The following ATP9B variants were observed in gnomAD, a reference collection of about 807,000 sequenced individuals.
The protein encoded by ATP9B is ATPase phospholipid transporting 9B.
A neutral mutation model predicts 146.1 loss-of-function variants in ATP9B; 110 were observed. That is an observed-to-expected ratio of 0.75 (90% CI 0.65 to 0.88). The LOEUF is 0.88. ATP9B is among the 40% of genes least tolerant of loss of function. ATP9B has a pLI of 0.00. For missense variants in ATP9B, 1,499 were observed against 1,496.4 expected (o/e 1.00, Z -0.03); for synonymous variants, 604 against 569.7 (o/e 1.06, Z -0.86).
chr18:79,262,529 G>A (rs1307098387), intron 12 of ATP9B, among the ~76,000 whole-genome samples: 1 of 152,130 alleles, frequency 6.6e-6, no homozygotes, highest in Non-Finnish European at 1.5e-5. Flanking sequence ...CCTTTTTCTG[G>A]TTCACTTATT....
At chr18:79,219,351 G>T (rs1249917319) in intron 11 of ATP9B, among the ~76,000 whole-genome samples, 1 of 152,080 alleles carries the variant, frequency 6.6e-6, no homozygotes, top group Non-Finnish European at 1.5e-5. Flanking sequence ...CTGATGAGAA[G>T]TGGACTGATT....
At chr18:79,339,902 C>A (rs551688341) in intron 19 of ATP9B, among the ~76,000 whole-genome samples, 5 of 152,296 alleles carry the variant, frequency 3.3e-5, no homozygotes, top group Middle Eastern at 3.4e-3. Context: ...GAGAACAATT[C>A]TGACTCAGAA....
chr18:79,076,518 A>G (rs186064462), intron 1 of ATP9B, among the ~76,000 whole-genome samples: 1 of 152,256 alleles, frequency 6.6e-6, no homozygotes, highest in Non-Finnish European at 1.5e-5. Flanking sequence ...GAAATCTGAT[A>G]TCATTTGAGT....
chr18:79,190,347 A>G (rs1410067401), intron 8 of ATP9B, among the ~76,000 whole-genome samples: 2 of 152,310 alleles, frequency 1.3e-5, no homozygotes, highest in South Asian at 2.1e-4. Flanking sequence ...AGGTTTTTCA[A>G]ATTATCAACA....
chr18:79,150,714 G>T (rs1461575724), intron 6 of ATP9B, among the ~76,000 whole-genome samples: 3 of 152,156 alleles, frequency 2.0e-5, no homozygotes, highest in Admixed American at 1.3e-4. Flanking sequence ...TAAAGGCCGG[G>T]CATGATGATT....
intron 12 of ATP9B, among the ~76,000 whole-genome samples, chr18:79,273,528 A>C (rs747807603): frequency 6.6e-6 from 1 of 152,256 alleles, no homozygotes; most frequent in African/African-American, 2.4e-5. Context: ...TGCTCAGATT[A>C]GAATCCAAAA....
chr18:79,268,944 C>G (rs2145505968), intron 12 of ATP9B, among the ~76,000 whole-genome samples: 1 of 152,286 alleles, frequency 6.6e-6, no homozygotes. Flanking sequence ...TAAGACTTCA[C>G]TTCTTTGGGT....
At chr18:79,328,218 G>C (rs1368639286) in intron 15 of ATP9B, among the ~76,000 whole-genome samples, 3 of 152,146 alleles carry the variant, frequency 2.0e-5, no homozygotes, top group Admixed American at 2.0e-4. Flanking sequence ...TGTTCCCCAT[G>C]GTTAGTGTGC....
intron 17 of ATP9B, among the ~76,000 whole-genome samples, chr18:79,335,218 C>T (rs2096817115): frequency 6.6e-6 from 1 of 152,152 alleles, no homozygotes; most frequent in South Asian, 2.1e-4. Context: ...TAAAACCTGA[C>T]CCTCGTTCAT....
intron 5 of ATP9B, among the ~76,000 whole-genome samples, chr18:79,128,418 ATATTCTT>A (rs2094324459): frequency 6.6e-6 from 1 of 152,208 alleles, no homozygotes; most frequent in African/African-American, 2.4e-5. Context: ...GTGTGGGTCC[ATATTCTT>A]TTGTATGAAT....
rs193247552 is a variant in ATP9B at position 79,082,658 on chromosome 18, G to T, written c.119+13129G>T. ...TGTTAGTTTTACTTCTAACAGTCAGGCACGTCTGTTGCAGGTCTGCTGGAG... is the reference window on the plus strand; with the variant it reads ...TGTTAGTTTTACTTCTAACAGTCAGTCACGTCTGTTGCAGGTCTGCTGGAG... On this transcript the variant is annotated intron_variant, in intron 1 of 29. Coordinates refer to ENST00000426216, the MANE Select transcript of ATP9B (RefSeq NM_198531.5). Among the ~76,000 whole-genome samples, 33 of 152,306 alleles carry T rather than the reference G, an allele frequency of 2.2e-4. No homozygotes were observed. The East Asian group carries it at 4.2e-3, about 20-fold the overall frequency.
rs367651424 is a variant in ATP9B at position 79,374,131 on chromosome 18, C to T, written c.3274+30C>T. 2.9e-5 allele frequency: 47 copies of T among 1,597,906 alleles called. No individual in the cohort carries two copies. The Admixed American group carries it at 4.1e-4, about 14-fold the overall frequency. On this transcript the variant is annotated intron_variant, in intron 28 of 29. Coordinates refer to ENST00000426216, the MANE Select transcript of ATP9B (RefSeq NM_198531.5). ...GTTGCCTTGGAATTGTTTTTTGAAT[C>T]GTTCTCTATTCATGATTTTGAAGTA... is the stretch of plus-strand genomic sequence containing the variant.
rs201771590 is a variant in ATP9B, at chr18:79,108,944, TG to T, written c.294-1410del. Among the ~76,000 whole-genome samples the T allele has an allele frequency of 2.0e-5, 3 of 152,304 alleles. No homozygotes were observed. The East Asian group carries it at 5.8e-4, about 29-fold the overall frequency. ...CTGCAAGTTTTCAGTATTTGTAAAG[TG>T]ATTTCTAAAGCAGGAGAGCATTACG... On this transcript the variant is annotated intron_variant, in intron 2 of 29. Transcript: ENST00000426216.
At chr18:79,217,295 CT>C (rs2095636465) in intron 11 of ATP9B, among the ~76,000 whole-genome samples, 2 of 152,256 alleles carry the variant, frequency 1.3e-5, no homozygotes, top group Non-Finnish European at 2.9e-5. Flanking sequence ...CGCCATTCTC[CT>C]GCCTCAGCCT....
intron 12 of ATP9B, among the ~76,000 whole-genome samples, chr18:79,275,266 GC>G (rs1175361301): frequency 1.3e-5 from 2 of 152,034 alleles, no homozygotes; most frequent in East Asian, 3.9e-4. Context: ...TGGCCACCTT[GC>G]CCCTTGCCTG....
chr18:79,126,103 T>G (rs987554165), intron 4 of ATP9B, among the ~76,000 whole-genome samples, 164 bp from the exon 5 acceptor site: 1 of 152,226 alleles, frequency 6.6e-6, no homozygotes, highest in African/African-American at 2.4e-5. Flanking sequence ...CAATGAATCC[T>G]TTTGTAATAT....
chr18:79,340,610 T>G (rs2096853012), intron 19 of ATP9B: 1 of 152,232 alleles, frequency 6.6e-6, no homozygotes, highest in Non-Finnish European at 1.5e-5. Flanking sequence ...ATAAGAAATC[T>G]GAGAAATTCA....
chr18:79,345,727 G>A (rs781698949), intron 22 of ATP9B, 48 bp from the exon 23 acceptor site: 19 of 1,610,236 alleles, frequency 1.2e-5, no homozygotes, highest in African/African-American at 8.0e-5. Flanking sequence ...AATGAAAAAC[G>A]TGATGATGGA....
chr18:79,348,598 G>A (rs2096905228), intron 25 of ATP9B, among the ~76,000 whole-genome samples: 1 of 152,266 alleles, frequency 6.6e-6, no homozygotes, highest in Admixed American at 6.5e-5. Flanking sequence ...GAGAGAACAG[G>A]AAGTGCAGGG....
Sources: allele counts gnomAD v4.1 joint callset (sites outside exome capture counted in the v4.1 genomes callset), GRCh38; gene constraint gnomAD v4.1.1; transcripts MANE v1.5; gene names NCBI Gene and HGNC (gene_info 2026-07-23, HGNC 2026-07-21).